Variants in NELL1 observed in about 807,000 individuals in gnomAD.
NELL1 encodes neural EGFL like 1.
In NELL1, 76 loss-of-function variants were observed where a neutral mutation model predicts 107.4. That is an observed-to-expected ratio of 0.71 (90% CI 0.59 to 0.86). NELL1 has a LOEUF of 0.86. Ranked by LOEUF, NELL1 falls within the 40% of genes least tolerant of loss-of-function variation. The probability of loss-of-function intolerance (pLI) is 0.00; values close to 1 mark genes in which losing one functional copy is unlikely to be tolerated. For synonymous variants in NELL1, 353 were observed against 341.2 expected (o/e 1.03, Z -0.38); for missense variants, 1,024 against 1,005.5 (o/e 1.02, Z -0.25).
chr11:21,317,768 G>A (rs1336295041), intron 14 of NELL1, among the ~76,000 whole-genome samples: 1 of 152,064 alleles, frequency 6.6e-6, no homozygotes, highest in Non-Finnish European at 1.5e-5. Flanking sequence ...TGATTTGTGT[G>A]ACTGTAACAA....
At chr11:20,698,892 G>C (rs1291127009) in intron 2 of NELL1, among the ~76,000 whole-genome samples, 1 of 152,054 alleles carries the variant, frequency 6.6e-6, no homozygotes, top group East Asian at 1.9e-4. Flanking sequence ...ACAATATTTG[G>C]TTTTCCATTC....
intron 5 of NELL1, among the ~76,000 whole-genome samples, chr11:20,916,579 G>A (rs917125584): frequency 1.3e-5 from 2 of 151,814 alleles, no homozygotes; most frequent in African/African-American, 2.4e-5. Flanking sequence ...AACAGGTATG[G>A]ATCCTATCCT....
At chr11:21,104,702 A>T (rs1207684975) in intron 12 of NELL1, among the ~76,000 whole-genome samples, 1 of 152,214 alleles carries the variant, frequency 6.6e-6, no homozygotes, top group Non-Finnish European at 1.5e-5. Context: ...AGATGATGTT[A>T]AAATTCATTT....
chr11:20,988,770 G>C (rs543315159), intron 12 of NELL1, among the ~76,000 whole-genome samples: 66 of 151,484 alleles, frequency 4.4e-4, no homozygotes, highest in Non-Finnish European at 8.0e-4. Context: ...TTTATTTTTA[G>C]TAGAGATGGG....
intron 13 of NELL1, among the ~76,000 whole-genome samples, chr11:21,173,534 A>G (rs1216305132): frequency 2.1e-4 from 32 of 151,860 alleles, no homozygotes; most frequent in Admixed American, 2.1e-3. Context: ...CTCCAGGGAA[A>G]GGCAGTGATA....
intron 2 of NELL1, among the ~76,000 whole-genome samples, chr11:20,720,532 G>A (rs954451179): frequency 2.6e-5 from 4 of 152,092 alleles, no homozygotes; most frequent in Non-Finnish European, 4.4e-5. Context: ...TCTTGTATTA[G>A]TTTGCAAGGG....
At chr11:20,712,502 G>T (rs1304977412) in intron 2 of NELL1, among the ~76,000 whole-genome samples, 2 of 152,134 alleles carry the variant, frequency 1.3e-5, no homozygotes, top group Non-Finnish European at 2.9e-5. Context: ...TCTTGGTTTG[G>T]ATCCATTGCT....
chr11:21,574,543 C>A (rs1857177766), intron 19 of NELL1, among the ~76,000 whole-genome samples: 1 of 151,972 alleles, frequency 6.6e-6, no homozygotes, highest in South Asian at 2.1e-4. Flanking sequence ...GCAAACCTTA[C>A]TGGACCCCAT....
intron 12 of NELL1, among the ~76,000 whole-genome samples, chr11:21,023,853 TG>T: frequency 6.6e-6 from 1 of 152,160 alleles, no homozygotes; most frequent in East Asian, 1.9e-4. Flanking sequence ...TTGGCTCATT[TG>T]AATCAATGGG....
intron 6 of NELL1, 47 bp downstream of exon 6, chr11:20,918,301 T>C: frequency 8.5e-7 from 1 of 1,171,782 alleles, no homozygotes; most frequent in South Asian, 1.2e-5. Context: ...AACTTGTTGA[T>C]TGTATCAGAG....
At chr11:21,303,734 G>C (rs912287555) in intron 14 of NELL1, among the ~76,000 whole-genome samples, 3 of 152,014 alleles carry the variant, frequency 2.0e-5, no homozygotes, top group African/African-American at 4.8e-5. Context: ...CACTATTCAC[G>C]ATAGCAAAGT....
At chr11:21,047,263 T>C (rs1853379295) in intron 12 of NELL1, among the ~76,000 whole-genome samples, 1 of 152,174 alleles carries the variant, frequency 6.6e-6, no homozygotes, top group African/African-American at 2.4e-5. Context: ...GCTATATATG[T>C]TTGTCAGCCA....
chr11:20,771,021 C>G (rs953469608), intron 2 of NELL1: 5 of 151,606 alleles, frequency 3.3e-5, no homozygotes, highest in African/African-American at 1.2e-4. Flanking sequence ...AGCTTCCCCC[C>G]GGCTCTCTCC....
intron 3 of NELL1, among the ~76,000 whole-genome samples, chr11:20,824,077 G>A (rs1857819800): frequency 6.6e-6 from 1 of 151,180 alleles, no homozygotes; most frequent in South Asian, 2.1e-4. Flanking sequence ...GGTGGGAGGT[G>A]ATTAGATCAT....
chr11:21,410,781 G>T (rs1329441481), intron 15 of NELL1, among the ~76,000 whole-genome samples: 1 of 152,114 alleles, frequency 6.6e-6, no homozygotes, highest in Non-Finnish European at 1.5e-5. Context: ...CTGTGGTGTA[G>T]TGTGCCTGGT....
chr11:20,996,632 CA>C (rs1565006375), intron 12 of NELL1, among the ~76,000 whole-genome samples: 4 of 152,268 alleles, frequency 2.6e-5, no homozygotes, highest in Non-Finnish European at 5.9e-5. Flanking sequence ...CCTTTCTTCC[CA>C]TATCAGGAGT....
chr11:21,306,275 C>A (rs1849602485), intron 14 of NELL1, among the ~76,000 whole-genome samples: 1 of 152,002 alleles, frequency 6.6e-6, no homozygotes, highest in South Asian at 2.1e-4. Context: ...AATCTACTGA[C>A]ATGACGGGTC....
intron 12 of NELL1, among the ~76,000 whole-genome samples, chr11:21,110,553 A>T (rs946981969): frequency 6.6e-6 from 1 of 152,136 alleles, no homozygotes; most frequent in African/African-American, 2.4e-5. Context: ...TGGCCTAAGA[A>T]AAATGAGCCA....
intron 14 of NELL1, among the ~76,000 whole-genome samples, chr11:21,252,779 A>C (rs941231983): frequency 6.6e-6 from 1 of 152,146 alleles, no homozygotes; most frequent in Non-Finnish European, 1.5e-5. Flanking sequence ...CAGGATAAGT[A>C]AGAAGGTCAT....
Sources: gnomAD v4.1 joint callset for allele counts (sites outside exome capture counted in the v4.1 genomes callset) on GRCh38, gnomAD v4.1.1 for gene constraint, MANE v1.5 for transcripts, NCBI Gene and HGNC (gene_info 2026-07-23, HGNC 2026-07-21) for gene names.